The following TESK2 variants were observed in gnomAD, a reference collection of about 807,000 sequenced individuals.
TESK2 encodes the protein testis associated actin remodelling kinase 2, also known as dual specificity testis-specific protein kinase 2.
A neutral mutation model predicts 57.1 loss-of-function variants in TESK2; 39 were observed. The observed-to-expected ratio is 0.68, with a 90% CI of 0.53 to 0.89. The LOEUF is 0.89. Ranked by LOEUF, TESK2 falls within the 40% of genes least tolerant of loss-of-function variation. The pLI, the probability that TESK2 is intolerant of heterozygous loss-of-function variation, is 0.00. For missense variants in TESK2, 646 were observed against 732.1 expected, an observed-to-expected ratio of 0.88 and a Z score of 1.36; for synonymous variants, 249 against 267.9, an observed-to-expected ratio of 0.93 and a Z score of 0.69.
Position 45,452,032 on chromosome 1 carries a change from C to CAAAAAAAAAA in TESK2, c.222+5522_222+5531dup, listed in dbSNP as rs566363776. On this transcript the variant is annotated intron_variant, in intron 2 of 10. Transcript: ENST00000372086. The stretch of plus-strand genomic sequence containing the variant: ...TGGGAGACAGAACAAGACTCCGTCT[C>CAAAAAAAAAA]AAAAAAAAAAAAAAATTTATTTGGT... 1.1e-3 allele frequency among the ~76,000 whole-genome samples: 110 copies of CAAAAAAAAAA among 103,780 alleles called. 2 individuals carry two copies. Among genetic ancestry groups the CAAAAAAAAAA allele is most frequent in the African/African-American group, 1.4e-3 (32 of 23,642 alleles). 68.1% of individuals were successfully genotyped at this position (103,780 alleles called of 152,430 possible). A position where few individuals can be genotyped will look rare whatever the true frequency, so the allele number is the denominator to read the frequency against.
At chr1:45,369,996 C>G (rs979516889) in intron 4 of TESK2, among the ~76,000 whole-genome samples, 5 of 152,194 alleles carry the variant, frequency 3.3e-5, no homozygotes, top group Admixed American at 1.3e-4. Flanking sequence ...CAGGCGTCAG[C>G]CACCGCGTCC....
At chr1:45,462,463 G>A (rs565734407) in intron 1 of TESK2, among the ~76,000 whole-genome samples, 11 of 152,106 alleles carry the variant, frequency 7.2e-5, no homozygotes, top group African/African-American at 2.2e-4. Flanking sequence ...TAGTAGAGAC[G>A]AGGTTTCACC....
At chr1:45,433,995 GTTA>G (rs1651084974) in intron 2 of TESK2, among the ~76,000 whole-genome samples, 2 of 151,874 alleles carry the variant, frequency 1.3e-5, no homozygotes, top group African/African-American at 2.4e-5. Flanking sequence ...TGTTGTTGTT[GTTA>G]TTGTTGTTGT....
intron 3 of TESK2, among the ~76,000 whole-genome samples, chr1:45,395,975 T>C (rs1649339897): frequency 6.6e-6 from 1 of 152,114 alleles, no homozygotes; most frequent in African/African-American, 2.4e-5. Context: ...ATGGTTTGTT[T>C]TGTTTTGTTT....
rs568099233 is a variant in TESK2 at position 45,444,831 on chromosome 1, G to A, written c.222+12733C>T. On this transcript the variant is annotated intron_variant, in intron 2 of 10. Coordinates refer to ENST00000372086, the MANE Select transcript of TESK2 (RefSeq NM_007170.3). ...TAACTATGGGAGGAATTTAGCTCAT[G>A]GTTTAACTTTAAAACAAAGATGATA... Among the ~76,000 whole-genome samples, 5 of 152,260 alleles carry A rather than the reference G, an allele frequency of 3.3e-5. No homozygotes were observed. In the East Asian group the frequency reaches 9.7e-4, roughly 29 times the overall value.
rs531214069 is a variant in TESK2 at position 45,344,337 on chromosome 1, A to C, written c.*503T>G. 6.2e-6 allele frequency: 1 copy of C among 160,802 alleles called. No homozygotes were observed. The highest frequency in any genetic ancestry group is 1.8e-4 in the East Asian group (1 of 5,454). The allele number at this position is 160,802 out of a possible 1,614,324, so 10.0% of individuals were successfully genotyped here. On this transcript the variant is annotated 3_prime_UTR_variant, in exon 11 of 11. Transcript: ENST00000372086. ...AGTGACGTGGTCTGACCATGCAGTA[A>C]GTGCAAACAGCAATTACTCAAATGT...
chr1:45,415,453 G>A (rs538162198), intron 3 of TESK2: 4 of 614,328 alleles, frequency 6.5e-6, no homozygotes, highest in African/African-American at 5.5e-5. Context: ...TTGTGCTTTC[G>A]CTGCAGTTCC....
intron 3 of TESK2, chr1:45,415,103 C>G: frequency 6.9e-7 from 1 of 1,441,688 alleles, no homozygotes; most frequent in Admixed American, 1.7e-5. Flanking sequence ...TGTTTGCAGA[C>G]AAGTTTCCAA....
At chr1:45,449,031 T>C (rs987746100) in intron 2 of TESK2, among the ~76,000 whole-genome samples, 3 of 151,992 alleles carry the variant, frequency 2.0e-5, no homozygotes, top group African/African-American at 7.2e-5. Flanking sequence ...AAGACCAGCC[T>C]GGCCAAGATG....
chr1:45,352,005 A>G (rs1647244659), intron 5 of TESK2, among the ~76,000 whole-genome samples: 1 of 152,228 alleles, frequency 6.6e-6, no homozygotes, highest in Non-Finnish European at 1.5e-5. Flanking sequence ...TAAAGAAATA[A>G]GACACAGACC....
At chr1:45,490,392 G>T (rs986916001) in intron 1 of TESK2, among the ~76,000 whole-genome samples, 3 of 152,164 alleles carry the variant, frequency 2.0e-5, no homozygotes, top group African/African-American at 7.2e-5. Flanking sequence ...GAAGGCAGTA[G>T]GGTCTGAGGG....
rs1316280869 is a variant in TESK2 at position 45,345,111 on chromosome 1, G to A, written c.1445C>T (p.Pro482Leu). Residue 482 changes from proline (P) to leucine (L), a missense_variant, in exon 11 of 11, where the codon CCC becomes CTC. Coordinates refer to ENST00000372086, the MANE Select transcript of TESK2 (RefSeq NM_007170.3). ...VGREESLSDG[P>L]PPRLSSLKYR... ...CTTGAGACTACTTAGGCGTGGTGGG[G>A]GCCCATCAGATAGCGATTCTTCCCG... is the stretch of plus-strand genomic sequence containing the variant. 1 of 1,614,048 alleles carries A rather than the reference G, an allele frequency of 6.2e-7. No homozygotes were observed. Among genetic ancestry groups the A allele is most frequent in the Non-Finnish European group, 8.5e-7 (1 of 1,180,050 alleles).
chr1:45,395,509 T>G (rs1649319490), intron 3 of TESK2, among the ~76,000 whole-genome samples: 1 of 152,198 alleles, frequency 6.6e-6, no homozygotes, highest in African/African-American at 2.4e-5. Context: ...ATTACTGTAG[T>G]TAGATTCTAC....
Position 45,389,708 on chromosome 1 carries a change from T to C in TESK2, c.345-3748A>G, listed in dbSNP as rs183254134. 1.9e-3 allele frequency among the ~76,000 whole-genome samples: 294 copies of C among 152,314 alleles called. 1 individual carries two copies. The highest frequency in any genetic ancestry group is 6.2e-3 in the African/African-American group (256 of 41,572). On this transcript the variant is annotated intron_variant, in intron 3 of 10. Coordinates refer to ENST00000372086, the MANE Select transcript of TESK2 (RefSeq NM_007170.3). ...TTCCACCTGGGAGACATTAAGAAAG[T>C]TACCTAATCTTTATAAATCGCAATT...
chr1:45,352,374 A>G (rs1647254059), intron 5 of TESK2, among the ~76,000 whole-genome samples: 1 of 152,226 alleles, frequency 6.6e-6, no homozygotes, highest in Admixed American at 6.5e-5. Flanking sequence ...CCCATAAGGA[A>G]AAGCAAAGGG....
At chr1:45,396,560 C>T (rs953929058) in intron 3 of TESK2, among the ~76,000 whole-genome samples, 12 of 151,984 alleles carry the variant, frequency 7.9e-5, no homozygotes, top group African/African-American at 2.9e-4. Flanking sequence ...GCAATCTCAG[C>T]TTACTGCAAC....
At chr1:45,490,707 G>A (rs1308766223) in intron 1 of TESK2, 145 bp downstream of exon 1, 1 of 152,304 alleles carries the variant, frequency 6.6e-6, no homozygotes, top group African/African-American at 2.4e-5. Context: ...GCCGCTGAGA[G>A]GGGGACCTCT....
At chr1:45,404,381 G>A (rs1446556134) in intron 3 of TESK2, among the ~76,000 whole-genome samples, 8 of 152,222 alleles carry the variant, frequency 5.3e-5, no homozygotes, top group Middle Eastern at 3.4e-3. Flanking sequence ...GGGGGCTACA[G>A]AAATAAATGT....
intron 1 of TESK2, among the ~76,000 whole-genome samples, chr1:45,474,661 T>G (rs1320928702): frequency 6.6e-6 from 1 of 151,692 alleles, no homozygotes; most frequent in South Asian, 2.1e-4. Flanking sequence ...TTAGTATAAA[T>G]GGGGTTTCAC....
Sources: gnomAD v4.1 joint callset for allele counts (sites outside exome capture counted in the v4.1 genomes callset) on GRCh38, gnomAD v4.1.1 for gene constraint, MANE v1.5 for transcripts, NCBI Gene and HGNC (gene_info 2026-07-23, HGNC 2026-07-21) for gene names.